Variants in AK8 observed in about 807,000 individuals in gnomAD.
AK8 encodes the protein ATP-AMP transphosphorylase 8.
AK8 carries 44 observed loss-of-function variants against 54.6 expected under a neutral mutation model. The ratio of observed to expected loss-of-function variants is 0.81; its 90% CI spans 0.63 to 1.04. AK8 has a LOEUF of 1.04. AK8 is among the 50% of genes least tolerant of loss of function. AK8 has a pLI of 0.00. For synonymous variants in AK8, 239 were observed against 245.6 expected, an observed-to-expected ratio of 0.97 and a Z score of 0.25; for missense variants, 555 against 613.6, an observed-to-expected ratio of 0.90 and a Z score of 1.01.
chr9:132,812,561 C>CCCACTGGGATGACGGGTGAGCCGCCGCGG (rs1841102875), intron 10 of AK8, among the ~76,000 whole-genome samples: 1 of 142,104 alleles, frequency 7.0e-6, no homozygotes, highest in Non-Finnish European at 1.6e-5. Flanking sequence ...AGCCGCCGCG[C>CCCACTGGGATGACGGGTGAGCCGCCGCGG]CCGGCCGCTA....
intron 5 of AK8, among the ~76,000 whole-genome samples, chr9:132,838,347 C>T (rs1314916475): frequency 6.6e-6 from 1 of 152,146 alleles, no homozygotes; most frequent in Non-Finnish European, 1.5e-5. Context: ...GTGAAAGAAC[C>T]AAGTTTCCAT....
At position 132,725,605 on chromosome 9, in the gene AK8, T is replaced by A; in HGVS notation, c.*83A>T. 7.8e-7 allele frequency: 1 copy of A among 1,289,586 alleles called. No individual in the cohort carries two copies. Among genetic ancestry groups the A allele is most frequent in the Non-Finnish European group, 1.1e-6 (1 of 932,654 alleles). 79.9% of individuals were successfully genotyped at this position (1,289,586 alleles called of 1,614,324 possible). On this transcript the variant is annotated 3_prime_UTR_variant, in exon 13 of 13. Coordinates refer to ENST00000298545, the MANE Select transcript of AK8 (RefSeq NM_152572.3). ...GTATCCAGCAGGCTTTATTGGCTTT[T>A]TAGGGGAGCTGTGCCGAGGCTGGGG...
intron 9 of AK8, among the ~76,000 whole-genome samples, chr9:132,822,431 C>T (rs1471974358): frequency 6.8e-6 from 1 of 147,552 alleles, no homozygotes; most frequent in African/African-American, 2.5e-5. Flanking sequence ...TATGGTATGC[C>T]TGTATAATTT....
At chr9:132,850,931 T>A (rs1842949500) in intron 5 of AK8, among the ~76,000 whole-genome samples, 1 of 150,904 alleles carries the variant, frequency 6.6e-6, no homozygotes, top group Non-Finnish European at 1.5e-5. Flanking sequence ...AAGTTCTGAT[T>A]CTGGGAGACA....
intron 12 of AK8, among the ~76,000 whole-genome samples, chr9:132,726,654 A>G (rs1836589623): frequency 6.6e-6 from 1 of 152,206 alleles, no homozygotes; most frequent in Non-Finnish European, 1.5e-5. Flanking sequence ...CATGGTAAGC[A>G]GGACAGGCGC....
At chr9:132,815,383 G>A (rs1031973825) in intron 9 of AK8, among the ~76,000 whole-genome samples, 2 of 152,000 alleles carry the variant, frequency 1.3e-5, no homozygotes, top group African/African-American at 4.8e-5. Flanking sequence ...GTGAAAATCC[G>A]TTTCTACTAA....
chr9:132,781,656 C>T lies in AK8; in HGVS notation c.1121+10978G>A, dbSNP rs534277341. ...ATTTTCATATCTGAATTATAGATTT[C>T]TGTATCGTATTCCCAGATTGATTTC... On this transcript the variant is annotated intron_variant, in intron 11 of 12. Coordinates refer to ENST00000298545, the MANE Select transcript of AK8 (RefSeq NM_152572.3). The surrounding 1 kb of genome is among the most constrained non-coding windows in gnomAD (Gnocchi z 4.6). 2.0e-4 allele frequency among the ~76,000 whole-genome samples: 31 copies of T among 152,222 alleles called. 1 individual carries two copies. In the South Asian group the frequency reaches 5.6e-3, roughly 27 times the overall value.
chr9:132,842,429 T>C (rs928464201), intron 5 of AK8, among the ~76,000 whole-genome samples: 1 of 152,122 alleles, frequency 6.6e-6, no homozygotes, highest in African/African-American at 2.4e-5. Flanking sequence ...CTCCTAACTA[T>C]GACAGTGCAG....
rs367966120 is a variant in AK8, at chr9:132,725,745, T to C, written c.1383A>G (p.Thr461=). 88 of 1,593,146 alleles carry C rather than the reference T, an allele frequency of 5.5e-5. No individual in the cohort carries two copies. Among genetic ancestry groups the C allele is most frequent in the Non-Finnish European group, 7.4e-5 (87 of 1,169,916 alleles). Residue 461 remains threonine (T), a synonymous_variant, in exon 13 of 13, where the codon ACA becomes ACG. Transcript: ENST00000298545. ...ITLNGDQDPY[T]VFEYIESGII... is the part of the protein sequence containing the mutation. ...TCCCACTCTCGATGTATTCGAAGAC[T>C]GTGTATGGGTCCTGGTCCCCATTGA...
intron 11 of AK8, among the ~76,000 whole-genome samples, chr9:132,762,873 T>C (rs1163683916): frequency 1.3e-5 from 2 of 151,768 alleles, no homozygotes; most frequent in African/African-American, 4.8e-5. Flanking sequence ...CGAGACTCTA[T>C]CTCAAAAGAA....
At chr9:132,761,004 T>C (rs2131051550) in intron 11 of AK8, among the ~76,000 whole-genome samples, 1 of 152,248 alleles carries the variant, frequency 6.6e-6, no homozygotes, top group East Asian at 1.9e-4. Flanking sequence ...TTCTTATTTA[T>C]ATTATCTTTG....
rs1012067639 is a variant in AK8 at position 132,778,881 on chromosome 9, A to T, written c.1121+13753T>A. ...TTCAGTTTGAATTGAAAAAAAAAAA[A>T]TTTCCAGTTTTCTTGGCTCGATGGG... On this transcript the variant is annotated intron_variant, in intron 11 of 12. Coordinates refer to ENST00000298545, the MANE Select transcript of AK8 (RefSeq NM_152572.3). Among the ~76,000 whole-genome samples, 7 of 151,992 alleles carry T rather than the reference A, an allele frequency of 4.6e-5. No homozygotes were observed. The South Asian group carries it at 1.0e-3, about 23-fold the overall frequency.
intron 5 of AK8, among the ~76,000 whole-genome samples, chr9:132,841,456 CT>C (rs1220771240): frequency 1.2e-4 from 18 of 152,208 alleles, no homozygotes; most frequent in Non-Finnish European, 2.6e-4. Context: ...GAAAACATTT[CT>C]TTTTTTCTTT....
intron 11 of AK8, among the ~76,000 whole-genome samples, chr9:132,787,989 T>C (rs1388056275): frequency 2.7e-5 from 4 of 150,048 alleles, no homozygotes; most frequent in African/African-American, 4.9e-5. Context: ...GCAGTAAGCC[T>C]AGAAAAAAAC....
At chr9:132,853,527 G>A (rs955244361) in intron 5 of AK8, among the ~76,000 whole-genome samples, 9 of 151,342 alleles carry the variant, frequency 5.9e-5, no homozygotes, top group South Asian at 2.1e-4. Context: ...TGGGTGTGGC[G>A]GCTCATGCCT....
chr9:132,867,598 GA>G lies in AK8; in HGVS notation c.170-646del, dbSNP rs544941186. Among the ~76,000 whole-genome samples, 35 of 152,346 alleles carry G rather than the reference GA, an allele frequency of 2.3e-4. No individual in the cohort carries two copies. The East Asian group carries it at 6.6e-3, about 29-fold the overall frequency. On this transcript the variant is annotated intron_variant, in intron 2 of 12. Coordinates refer to ENST00000298545, the MANE Select transcript of AK8 (RefSeq NM_152572.3). ...ACCACAGGCTCCTGAACCTGTGACC[GA>G]GAGTCTGGGCTCACCCGGCAGGTGA...
At chr9:132,875,439 CCT>C (rs1265605396) in intron 1 of AK8, among the ~76,000 whole-genome samples, 1 of 152,106 alleles carries the variant, frequency 6.6e-6, no homozygotes, top group East Asian at 1.9e-4. Flanking sequence ...GAGTCTCGCC[CCT>C]GATTCAGAGC....
At chr9:132,823,098 AC>A (rs1212778039) in intron 9 of AK8, 106 bp downstream of exon 9, 1 of 1,432,978 alleles carries the variant, frequency 7.0e-7, no homozygotes, top group East Asian at 2.6e-5. Context: ...AGTGATACTG[AC>A]CCTTCCCCCC....
At chr9:132,732,533 T>C (rs564627632) in intron 11 of AK8, among the ~76,000 whole-genome samples, 10 of 152,248 alleles carry the variant, frequency 6.6e-5, no homozygotes, top group African/African-American at 2.2e-4. Flanking sequence ...TTGTTTAGAA[T>C]GCAAGGCTGA....
Sources: allele counts gnomAD v4.1 joint callset (sites outside exome capture counted in the v4.1 genomes callset), GRCh38; gene constraint gnomAD v4.1.1; non-coding constraint Gnocchi (gnomAD v3.1); transcripts MANE v1.5; gene names NCBI Gene and HGNC (gene_info 2026-07-23, HGNC 2026-07-21).